REDIC1: variants seen among roughly 807,000 people sequenced by gnomAD.
REDIC1 encodes regulator of DNA class I crossover intermediates 1, also known as HEI10 Interacting Protein 1.
chr12:39,797,738 A>ACACATACG, the REDIC1 span, among the ~76,000 whole-genome samples: 14,438 of 52,438 alleles, frequency 0.28, 887 homozygotes, highest in Non-Finnish European at 0.36. Flanking sequence ...ACACACACAC[A>ACACATACG]CACACACACA....
chr12:39,785,610 C>G, the REDIC1 span, among the ~76,000 whole-genome samples: 3 of 152,232 alleles, frequency 2.0e-5, no homozygotes, highest in African/African-American at 7.2e-5. Context: ...ATCCTCCAGA[C>G]CCCAGAATGG....
chr12:39,687,599 A>C, the REDIC1 span, among the ~76,000 whole-genome samples: 1 of 152,192 alleles, frequency 6.6e-6, no homozygotes, highest in Non-Finnish European at 1.5e-5. Flanking sequence ...ACTTCCCATG[A>C]TTCAGTCACC....
At chr12:39,811,172 TATAATA>T in the REDIC1 span, among the ~76,000 whole-genome samples, 1 of 152,092 alleles carries the variant, frequency 6.6e-6, no homozygotes, top group African/African-American at 2.4e-5. Context: ...CTCTTTTAAT[TATAATA>T]ATAGAAAGTT....
At chr12:39,901,565 T>C in the REDIC1 span, among the ~76,000 whole-genome samples, 2 of 126,396 alleles carry the variant, frequency 1.6e-5, no homozygotes, top group Non-Finnish European at 3.3e-5. Context: ...AGAAGACATT[T>C]ATGCAGCCAA....
the REDIC1 span, among the ~76,000 whole-genome samples, chr12:39,700,311 G>T: frequency 2.0e-5 from 3 of 152,160 alleles, no homozygotes; most frequent in Non-Finnish European, 4.4e-5. Context: ...CTCAGGAGCC[G>T]ATGCGATCAA....
chr12:39,685,954 C>T, the REDIC1 span, among the ~76,000 whole-genome samples: 1 of 152,248 alleles, frequency 6.6e-6, no homozygotes, highest in Non-Finnish European at 1.5e-5. Flanking sequence ...CCAAAATAAT[C>T]TCCCTTGACT....
At chr12:39,764,401 T>A in the REDIC1 span, 1 of 1,358,126 alleles carries the variant, frequency 7.4e-7, no homozygotes, top group Non-Finnish European at 9.9e-7. Flanking sequence ...TATTATAGTG[T>A]ATCTAAAAAT....
the REDIC1 span, among the ~76,000 whole-genome samples, chr12:39,844,338 A>T: frequency 6.6e-6 from 1 of 152,066 alleles, no homozygotes; most frequent in Non-Finnish European, 1.5e-5. Flanking sequence ...GTCAAAGTTT[A>T]ATGTAAGCAC....
the REDIC1 span, among the ~76,000 whole-genome samples, chr12:39,885,326 CAG>C: frequency 6.6e-6 from 1 of 152,076 alleles, no homozygotes; most frequent in Admixed American, 6.6e-5. Context: ...TGTAGAAAAA[CAG>C]AGAGTAGGTG....
the REDIC1 span, among the ~76,000 whole-genome samples, chr12:39,705,211 A>T: frequency 0.014 from 2,093 of 152,164 alleles, 61 homozygotes; most frequent in African/African-American, 0.048. Context: ...TGGAAAATCT[A>T]GAAGAAAAGG....
the REDIC1 span, among the ~76,000 whole-genome samples, chr12:39,778,106 G>C: frequency 6.6e-6 from 1 of 152,298 alleles, no homozygotes; most frequent in East Asian, 1.9e-4. Flanking sequence ...GGTTTGAGCA[G>C]CAGGGCGGTG....
chr12:39,896,412 GTATGTATATGTGTATATATGTATACATA>G, the REDIC1 span, among the ~76,000 whole-genome samples: 1 of 132,348 alleles, frequency 7.6e-6, no homozygotes, highest in Non-Finnish European at 1.6e-5. Context: ...ATACATATAT[GTATGTATATGTGTATATATGTATACATA>G]TATGTATATG....
the REDIC1 span, among the ~76,000 whole-genome samples, chr12:39,901,776 C>A: frequency 7.3e-6 from 1 of 136,924 alleles, no homozygotes; most frequent in African/African-American, 2.8e-5. Context: ...TTGTGGAAGT[C>A]AGTGTGGCGA....
At chr12:39,752,894 T>C in the REDIC1 span, among the ~76,000 whole-genome samples, 7 of 152,208 alleles carry the variant, frequency 4.6e-5, no homozygotes, top group African/African-American at 1.7e-4. Context: ...TGCAGTGGTT[T>C]CTAAACTATT....
chr12:39,880,225 C>T, the REDIC1 span, among the ~76,000 whole-genome samples: 483 of 152,274 alleles, frequency 3.2e-3, 11 homozygotes, highest in Admixed American at 0.031. Flanking sequence ...TTGTAAATTA[C>T]TCAGTCTTAA....
At chr12:39,671,101 T>C in the REDIC1 span, among the ~76,000 whole-genome samples, 1 of 152,208 alleles carries the variant, frequency 6.6e-6, no homozygotes, top group Non-Finnish European at 1.5e-5. Context: ...CCATATTTCC[T>C]TGCTTTTTCA....
chr12:39,717,603 C>T, the REDIC1 span, among the ~76,000 whole-genome samples: 1 of 151,904 alleles, frequency 6.6e-6, no homozygotes, highest in Admixed American at 6.6e-5. Context: ...GAGGCAGGCA[C>T]ACTTGGTGTA....
the REDIC1 span, among the ~76,000 whole-genome samples, chr12:39,854,160 G>A: frequency 2.0e-5 from 3 of 151,660 alleles, no homozygotes; most frequent in Non-Finnish European, 4.4e-5. Flanking sequence ...AGAACAAAAT[G>A]GCTCTGCAAC....
At chr12:39,674,108 A>C in the REDIC1 span, among the ~76,000 whole-genome samples, 2 of 152,324 alleles carry the variant, frequency 1.3e-5, no homozygotes, top group East Asian at 3.9e-4. Context: ...CTCTAGAAGT[A>C]AGAATCCTTT....
Sources: gnomAD v4.1 joint callset for allele counts (sites outside exome capture counted in the v4.1 genomes callset) on GRCh38, gnomAD v4.1.1 for gene constraint, MANE v1.5 for transcripts, NCBI Gene and HGNC (gene_info 2026-07-23, HGNC 2026-07-21) for gene names.